The following TTI2 variants were observed in gnomAD, a reference collection of about 807,000 sequenced individuals.
The protein encoded by TTI2 is TELO2 interacting protein 2.
A neutral mutation model predicts 44.9 loss-of-function variants in TTI2; 26 were observed. The observed-to-expected ratio is 0.58, with a 90% confidence interval of 0.42 to 0.80. The LOEUF is 0.80. Among genes scored for constraint, TTI2 ranks in the 30% least tolerant of loss-of-function variants. The pLI is 0.00. For missense variants in TTI2, 582 were observed against 611.6 expected (o/e 0.95, Z 0.51); for synonymous variants, 254 against 250.9 (o/e 1.01, Z -0.12).
rs1563350078 is a variant in TTI2 at position 33,500,409 on chromosome 8, A to G, written c.1341T>C (p.Pro447=). Residue 447 remains proline (P), a synonymous_variant, in exon 7 of 8, where the codon CCT becomes CCC. Coordinates refer to ENST00000431156, the MANE Select transcript of TTI2 (RefSeq NM_001102401.4). ...GTAGCAGGGCGCTCTTAACAGACTC[A>G]GGTGTAAGGTTTGGATCCCTTGCTA... The part of the protein sequence containing the change: ...CDVARDPNLT[P]ESVKSALLQE... 2 of 1,614,082 alleles carry G rather than the reference A, an allele frequency of 1.2e-6. No individual in the cohort carries two copies. Among genetic ancestry groups the G allele is most frequent in the Non-Finnish European group, 1.7e-6 (2 of 1,180,032 alleles).
chr8:33,499,150 C>A lies in TTI2; in HGVS notation c.*23G>T. 1 of 1,581,200 alleles carries A rather than the reference C, an allele frequency of 6.3e-7. No homozygotes were observed. The highest frequency in any genetic ancestry group is 8.7e-7 in the Non-Finnish European group (1 of 1,150,140). On this transcript the variant is annotated 3_prime_UTR_variant, in exon 8 of 8. Coordinates refer to ENST00000431156, the MANE Select transcript of TTI2 (RefSeq NM_001102401.4). ...ATTGGGATGGGAAGAAAATCCTTTC[C>A]TCTTGGGAAAGTAATACAAGTCTTA...
Position 33,507,299 on chromosome 8 carries a change from T to C in TTI2, c.857A>G (p.Tyr286Cys). The change falls in exon 4 of 8, where the codon TAT (tyrosine) becomes TGT (cysteine). Residue 286 changes from tyrosine (Y) to cysteine (C), a missense_variant. Physicochemically the swap from Tyr to Cys is radical, Grantham distance 194. Transcript: ENST00000431156. ...LNVPAADLLQ[Y>C]NRAQVLYHAI... ...ATGGTATAGGACCTGGGCTCTGTTA[T>C]ACTGGAGCAAATCAGCAGCTGGCTG... is the stretch of plus-strand genomic sequence containing the variant. 6.2e-7 allele frequency: 1 copy of C among 1,614,210 alleles called. No homozygotes were observed. The highest frequency in any genetic ancestry group is 1.7e-5 in the Admixed American group (1 of 60,024).
chr8:33,504,650 CTGA>C (rs1287389612), intron 4 of TTI2, among the ~76,000 whole-genome samples: 1 of 151,722 alleles, frequency 6.6e-6, no homozygotes, highest in Non-Finnish European at 1.5e-5. Context: ...CTAATGACAG[CTGA>C]TGAGCTTTAA....
At chr8:33,509,954 C>G in intron 2 of TTI2, 22 bp from the exon 3 acceptor site, 1 of 681,272 alleles carries the variant, frequency 1.5e-6, no homozygotes, top group South Asian at 1.5e-5. Context: ...CATAGAATTA[C>G]ATTAAGTGAC....
intron 4 of TTI2, 73 bp downstream of exon 4, chr8:33,507,156 C>T: frequency 1.5e-6 from 2 of 1,300,184 alleles, no homozygotes; most frequent in South Asian, 2.4e-5. Flanking sequence ...TCAATTACTA[C>T]TACTCACACA....
Position 33,509,773 on chromosome 8 carries a change from G to C in TTI2, c.807C>G (p.His269Gln), listed in dbSNP as rs1418754625. 1 of 1,614,144 alleles carries C rather than the reference G, an allele frequency of 6.2e-7. No individual in the cohort carries two copies. The highest frequency in any genetic ancestry group is 8.5e-7 in the Non-Finnish European group (1 of 1,180,030). Residue 269 changes from histidine to glutamine, a missense_variant, in exon 3 of 8, where the codon CAC (histidine) becomes CAG (glutamine). His to Gln is a conservative substitution (Grantham distance 24). Coordinates refer to ENST00000431156, the MANE Select transcript of TTI2 (RefSeq NM_001102401.4). ...YQTENKILGVHCLHHIVLNVP... is the reference protein window; with the variant it reads ...YQTENKILGVQCLHHIVLNVP... Reference sequence around the variant, plus strand: ...CATTAAGCACAATGTGATGGAGACAGTGTACACCCAGGATTTTGTTCTCAG... The same window carrying C: ...CATTAAGCACAATGTGATGGAGACACTGTACACCCAGGATTTTGTTCTCAG...
At chr8:33,500,207 T>C (rs952599330) in intron 7 of TTI2, 121 bp downstream of exon 7, 8 of 1,191,674 alleles carry the variant, frequency 6.7e-6, no homozygotes, top group Non-Finnish European at 7.2e-6. Context: ...TATGGAGATC[T>C]AAAACCCTCC....
intron 2 of TTI2, among the ~76,000 whole-genome samples, chr8:33,510,895 AAAGGTGCTT>A (rs1174383187): frequency 6.6e-6 from 1 of 152,190 alleles, no homozygotes; most frequent in African/African-American, 2.4e-5. Context: ...ACAGTAATCT[AAAGGTGCTT>A]TTCACTTTTT....
rs910306141 is a variant in TTI2 at position 33,502,833 on chromosome 8, AAAAC to A, written c.1259+592_1259+595del. 5.8e-5 allele frequency among the ~76,000 whole-genome samples: 6 copies of A among 103,950 alleles called. No homozygotes were observed. In the South Asian group the frequency reaches 1.1e-3, roughly 19 times the overall value. 68.2% of individuals were successfully genotyped at this position (103,950 alleles called of 152,430 possible). A position where few individuals can be genotyped will look rare whatever the true frequency, so the allele number is the denominator to read the frequency against. ...AGAGCAATACTCCATCTCAAAAACA[AAAAC>A]AAAAACAAAAGGCTGGGCATGGTGG... On this transcript the variant is annotated intron_variant, in intron 6 of 7. Coordinates refer to ENST00000431156, the MANE Select transcript of TTI2 (RefSeq NM_001102401.4).
In TTI2 at chr8:33,498,734, T is replaced by A; in HGVS notation, c.*439A>T. 1 of 921,836 alleles carries A rather than the reference T, an allele frequency of 1.1e-6. No homozygotes were observed. The highest frequency in any genetic ancestry group is 1.6e-6 in the Non-Finnish European group (1 of 611,884). The allele number at this position is 921,836 out of a possible 1,614,324, so 57.1% of individuals were successfully genotyped here. A position where few individuals can be genotyped will look rare whatever the true frequency, so the allele number is the denominator to read the frequency against. ...CTCCAGTTTTTGCTCTTTTGTGTTG[T>A]ACTGAACACAATATTTGTGTTTTTA... is the stretch of plus-strand genomic sequence containing the variant. On this transcript the variant is annotated 3_prime_UTR_variant, in exon 8 of 8. Coordinates refer to ENST00000431156, the MANE Select transcript of TTI2 (RefSeq NM_001102401.4).
intron 1 of TTI2, 160 bp from the exon 2 acceptor site, chr8:33,512,872 CTCAG>C: frequency 5.6e-6 from 1 of 178,736 alleles, no homozygotes; most frequent in African/African-American, 3.5e-5. Flanking sequence ...GAGACTCCGT[CTCAG>C]TAAAAAAAAA....
In TTI2 at chr8:33,512,976, T is replaced by A. The variant is rs1809618132; in HGVS notation, c.-100+106A>T. The A allele has an allele frequency of 8.1e-5, 14 of 172,162 alleles. No homozygotes were observed. The South Asian group carries it at 1.8e-3, about 23-fold the overall frequency. 10.7% of individuals were successfully genotyped at this position (172,162 alleles called of 1,614,324 possible). A position where few individuals can be genotyped will look rare whatever the true frequency, so the allele number is the denominator to read the frequency against. ...GAGTCTTACACTTTTAACAGTGACG[T>A]TAAAAGACTACTGTTGCCTTTCTGA... On this transcript the variant is annotated intron_variant, in intron 1 of 7. Transcript: ENST00000431156.
intron 3 of TTI2, among the ~76,000 whole-genome samples, chr8:33,507,796 C>T (rs978353380): frequency 1.1e-4 from 17 of 151,032 alleles, no homozygotes; most frequent in Non-Finnish European, 1.9e-4. Flanking sequence ...GCAGCCTGGG[C>T]AACAGAGCAA....
At position 33,503,458 on chromosome 8, in the gene TTI2, T is replaced by C; in HGVS notation, c.1230A>G (p.Leu410=). Residue 410 remains leucine (L), a synonymous_variant, in exon 6 of 8, where the codon CTA becomes CTG. Coordinates refer to ENST00000431156, the MANE Select transcript of TTI2 (RefSeq NM_001102401.4). ...GCCAAGTATGTTGCATGAGAAGTTT[T>C]AGGGTTTCCAATATCTTCAGTCTAG... The part of the protein sequence containing the change: ...EEARLKILET[L]KLLMQHTWPR... 6.2e-7 allele frequency: 1 copy of C among 1,614,154 alleles called. No homozygotes were observed. Among genetic ancestry groups the C allele is most frequent in the Non-Finnish European group, 8.5e-7 (1 of 1,180,034 alleles).
At chr8:33,505,105 C>G (rs570083258) in intron 4 of TTI2, among the ~76,000 whole-genome samples, 11 of 152,094 alleles carry the variant, frequency 7.2e-5, no homozygotes, top group Non-Finnish European at 1.3e-4. Flanking sequence ...TGCCTGTAAT[C>G]CCAGCTACTA....
chr8:33,499,563 T>G (rs1808987645), intron 7 of TTI2: 1 of 331,758 alleles, frequency 3.0e-6, no homozygotes, highest in East Asian at 6.5e-5. Flanking sequence ...TTCAGTTGGA[T>G]CTAGGGCTTG....
intron 3 of TTI2, among the ~76,000 whole-genome samples, chr8:33,508,367 C>T (rs1051665881): frequency 1.3e-5 from 2 of 151,730 alleles, no homozygotes; most frequent in African/African-American, 4.8e-5. Context: ...TTTAGGAGGC[C>T]GAGGTTGGTG....
chr8:33,502,548 G>C (rs1809123463), intron 6 of TTI2, among the ~76,000 whole-genome samples: 1 of 151,976 alleles, frequency 6.6e-6, no homozygotes, highest in Admixed American at 6.6e-5. Context: ...TATATAGCCA[G>C]GCACAGTGGC....
intron 4 of TTI2, among the ~76,000 whole-genome samples, chr8:33,506,876 G>T (rs1809317101): frequency 6.6e-6 from 1 of 151,822 alleles, no homozygotes; most frequent in East Asian, 1.9e-4. Context: ...TGTATTTTTA[G>T]TAGAGATGGG....
Sources: allele counts gnomAD v4.1 joint callset (sites outside exome capture counted in the v4.1 genomes callset), GRCh38; gene constraint gnomAD v4.1.1; transcripts MANE v1.5; gene names NCBI Gene and HGNC (gene_info 2026-07-23, HGNC 2026-07-21).